KCNQ1OT1: variants seen among roughly 807,000 people sequenced by gnomAD.
The protein encoded by KCNQ1OT1 is KCNQ1 antisense RNA 2 (non-protein coding).
chr11:2,665,221 G>A (rs533298045), exon 1 of KCNQ1OT1: 2 of 398,648 alleles, frequency 5.0e-6, no homozygotes, highest in Non-Finnish European at 8.8e-6. Context: ...TGTCTTCCTA[G>A]GTTGAATGGG....
In KCNQ1OT1 at chr11:2,675,048, A is replaced by C. The variant is rs1590024373; in HGVS notation, n.24947T>G. 6 of 398,604 alleles carry C rather than the reference A, an allele frequency of 1.5e-5. No individual in the cohort carries two copies. The East Asian group carries it at 2.1e-4, about 14-fold the overall frequency. 24.7% of individuals were successfully genotyped at this position (398,604 alleles called of 1,614,324 possible). On this transcript the variant is annotated non_coding_transcript_exon_variant, in exon 1 of 1. Transcript: ENST00000597346. ...GCCAGAGCCCAGGTGGGGGACGGGGATGCCAAGGGCAGAGCCCCTGGAGAG... is the reference window on the plus strand; with the variant it reads ...GCCAGAGCCCAGGTGGGGGACGGGGCTGCCAAGGGCAGAGCCCCTGGAGAG...
rs558913241 is a variant in KCNQ1OT1 at position 2,609,472 on chromosome 11, A to C, written n.90523T>G. 622 of 398,430 alleles carry C rather than the reference A, an allele frequency of 1.6e-3. 2 individuals carry two copies. Among genetic ancestry groups the C allele is most frequent in the Non-Finnish European group, 2.4e-3 (545 of 225,958 alleles). 24.7% of individuals were successfully genotyped at this position (398,430 alleles called of 1,614,324 possible). A position where few individuals can be genotyped will look rare whatever the true frequency, so the allele number is the denominator to read the frequency against. On this transcript the variant is annotated non_coding_transcript_exon_variant, in exon 1 of 1. Coordinates refer to ENST00000597346, the Ensembl canonical transcript of KCNQ1OT1. ...CCTTCTTGGAGAATGTCTCATGTGC[A>C]CTTGAAAATACTGTATATTCAATGT...
In KCNQ1OT1 at chr11:2,658,734, T is replaced by C. The variant is rs899929474; in HGVS notation, n.41261A>G. The C allele has an allele frequency of 2.1e-4, 84 of 398,498 alleles. 1 individual carries two copies. Among genetic ancestry groups the C allele is most frequent in the Non-Finnish European group, 3.5e-5 (8 of 226,070 alleles). The allele number at this position is 398,498 out of a possible 1,614,324, so 24.7% of individuals were successfully genotyped here. On this transcript the variant is annotated non_coding_transcript_exon_variant, in exon 1 of 1. Transcript: ENST00000597346. This position sits in a 1 kb window ranked among gnomAD's most constrained non-coding sequence, Gnocchi z 4.9. The stretch of plus-strand genomic sequence containing the variant: ...GAGTACACATACATCTTTACATATC[T>C]GTATCTATATAAAGCTAACCATGAG...
Position 2,668,066 on chromosome 11 carries a change from A to C in KCNQ1OT1, n.31929T>G, listed in dbSNP as rs1392891912. The C allele has an allele frequency of 2.5e-6, 1 of 398,420 alleles. No homozygotes were observed. Among genetic ancestry groups the C allele is most frequent in the Non-Finnish European group, 4.4e-6 (1 of 226,052 alleles). The allele number at this position is 398,420 out of a possible 1,614,324, so 24.7% of individuals were successfully genotyped here. ...CCACATTTGAACTTTATGCGGTGGG[A>C]ATGATGCAACTCATACACCTTTGTG... On this transcript the variant is annotated non_coding_transcript_exon_variant, in exon 1 of 1. Transcript: ENST00000597346. The surrounding 1 kb of genome is among the most constrained non-coding windows in gnomAD (Gnocchi z 4.3).
chr11:2,670,037 A>G lies in KCNQ1OT1; in HGVS notation n.29958T>C. The G allele has an allele frequency of 2.5e-6, 1 of 398,592 alleles. No individual in the cohort carries two copies. Among genetic ancestry groups the G allele is most frequent in the East Asian group, 3.6e-5 (1 of 28,058 alleles). 24.7% of individuals were successfully genotyped at this position (398,592 alleles called of 1,614,324 possible). A position where few individuals can be genotyped will look rare whatever the true frequency, so the allele number is the denominator to read the frequency against. ...GGGGTCCCGTGGAGGTACAGGCGGA[A>G]ACCTAGCACTCACTATTCTGCTCTG... is the stretch of plus-strand genomic sequence containing the variant. On this transcript the variant is annotated non_coding_transcript_exon_variant, in exon 1 of 1. Coordinates refer to ENST00000597346, the Ensembl canonical transcript of KCNQ1OT1. The surrounding 1 kb of genome is among the most constrained non-coding windows in gnomAD (Gnocchi z 4.9).
In KCNQ1OT1 at chr11:2,668,407, A is replaced by AT; in HGVS notation, n.31587dup. The AT allele has an allele frequency of 2.5e-6, 1 of 398,530 alleles. No individual in the cohort carries two copies. The highest frequency in any genetic ancestry group is 3.6e-5 in the East Asian group (1 of 28,072). 24.7% of individuals were successfully genotyped at this position (398,530 alleles called of 1,614,324 possible). On this transcript the variant is annotated non_coding_transcript_exon_variant, in exon 1 of 1. Coordinates refer to ENST00000597346, the Ensembl canonical transcript of KCNQ1OT1. This position sits in a 1 kb window ranked among gnomAD's most constrained non-coding sequence, Gnocchi z 4.3. ...GCAGTCTACCAAAGGAGTCATTCCA[A>AT]TTTTCATTCCCACAGGCAGCATTCT...
chr11:2,681,392 G>T (rs1322758120), exon 1 of KCNQ1OT1: 1 of 398,468 alleles, frequency 2.5e-6, no homozygotes, highest in Admixed American at 4.4e-5. Context: ...TGGGGCTGGG[G>T]TGACTAAAGG....
exon 1 of KCNQ1OT1, chr11:2,693,137 G>T: frequency 2.5e-6 from 1 of 398,652 alleles, no homozygotes; most frequent in Admixed American, 4.4e-5. Flanking sequence ...TCAATCACCA[G>T]ATAGCCCTCA....
exon 1 of KCNQ1OT1, chr11:2,650,001 A>G (rs1849733113): frequency 2.5e-6 from 1 of 398,228 alleles, no homozygotes; most frequent in Non-Finnish European, 4.4e-6. Context: ...TATTTTTTAA[A>G]TCTGTCTGGT....
chr11:2,699,333 C>A, exon 1 of KCNQ1OT1: 1 of 399,230 alleles, frequency 2.5e-6, no homozygotes, highest in Non-Finnish European at 4.4e-6. Flanking sequence ...CTCACCTCAG[C>A]AACGCCAGTG....
At chr11:2,625,382 C>T (rs976472834) in exon 1 of KCNQ1OT1, 18 of 398,460 alleles carry the variant, frequency 4.5e-5, no homozygotes, top group African/African-American at 1.4e-4. Flanking sequence ...TAACCTCCCA[C>T]GTAGCTGATA....
exon 1 of KCNQ1OT1, chr11:2,672,381 G>A: frequency 2.9e-6 from 1 of 346,786 alleles, no homozygotes; most frequent in Non-Finnish European, 5.0e-6. Flanking sequence ...TGATATGATT[G>A]AGCTCAGGCT....
chr11:2,676,837 A>ACAAC lies in KCNQ1OT1; in HGVS notation n.23157_23158insGTTG, dbSNP rs1850303396. ...GGATCTACCACAGGGGTCATGTTGT[A>ACAAC]ATGACACCTGTCAGCTTTGACTGGG... On this transcript the variant is annotated non_coding_transcript_exon_variant, in exon 1 of 1. Coordinates refer to ENST00000597346, the Ensembl canonical transcript of KCNQ1OT1. The surrounding 1 kb of genome is among the most constrained non-coding windows in gnomAD (Gnocchi z 4.2). The ACAAC allele has an allele frequency of 2.5e-6, 1 of 398,498 alleles. No homozygotes were observed. The highest frequency in any genetic ancestry group is 1.3e-4 in the South Asian group (1 of 7,864). 24.7% of individuals were successfully genotyped at this position (398,498 alleles called of 1,614,324 possible).
At position 2,675,310 on chromosome 11, in the gene KCNQ1OT1, T is replaced by C. The variant is rs536108344; in HGVS notation, n.24685A>G. On this transcript the variant is annotated non_coding_transcript_exon_variant, in exon 1 of 1. Transcript: ENST00000597346. ...AGCAGAGTTTTGGCAATATAAAACA[T>C]GAAAGTGGGATGGGATCTAAGTCAT... The C allele has an allele frequency of 2.7e-4, 108 of 398,516 alleles. No homozygotes were observed. Among genetic ancestry groups the C allele is most frequent in the African/African-American group, 2.1e-3 (101 of 48,720 alleles). The allele number at this position is 398,516 out of a possible 1,614,324, so 24.7% of individuals were successfully genotyped here. A position where few individuals can be genotyped will look rare whatever the true frequency, so the allele number is the denominator to read the frequency against.
chr11:2,674,102 G>C lies in KCNQ1OT1; in HGVS notation n.25893C>G. ...GGCTAGGTCTCCCTGCCGGTGGGGA[G>C]GGAGGTGTGGAAGCTGGTTTGCCGG... On this transcript the variant is annotated non_coding_transcript_exon_variant, in exon 1 of 1. Transcript: ENST00000597346. The surrounding 1 kb of genome is among the most constrained non-coding windows in gnomAD (Gnocchi z 5.9). 2.5e-6 allele frequency: 1 copy of C among 398,676 alleles called. No individual in the cohort carries two copies. Among genetic ancestry groups the C allele is most frequent in the Non-Finnish European group, 4.4e-6 (1 of 226,168 alleles). 24.7% of individuals were successfully genotyped at this position (398,676 alleles called of 1,614,324 possible).
rs1849410118 is a variant in KCNQ1OT1 at position 2,634,124 on chromosome 11, T to C, written n.65871A>G. 11 of 380,524 alleles carry C rather than the reference T, an allele frequency of 2.9e-5. No homozygotes were observed. The South Asian group carries it at 5.8e-4, about 20-fold the overall frequency. The allele number at this position is 380,524 out of a possible 1,614,324, so 23.6% of individuals were successfully genotyped here. ...TGTGTTTTTGCTATTTCGGTGAAGA[T>C]TGTCTTTGGTATTTTTTTTTTTTTA... On this transcript the variant is annotated non_coding_transcript_exon_variant, in exon 1 of 1. Coordinates refer to ENST00000597346, the Ensembl canonical transcript of KCNQ1OT1.
chr11:2,693,128 C>A, exon 1 of KCNQ1OT1: 1 of 398,600 alleles, frequency 2.5e-6, no homozygotes, highest in Non-Finnish European at 4.4e-6. Flanking sequence ...TACTTTCTGT[C>A]AATCACCAGA....
chr11:2,650,237 T>C (rs1849736097), exon 1 of KCNQ1OT1: 4 of 398,482 alleles, frequency 1.0e-5, no homozygotes, highest in East Asian at 3.6e-5. Context: ...TTGTATCTCA[T>C]TGGGTTTCCT....
chr11:2,631,127 G>A, exon 1 of KCNQ1OT1: 1 of 398,536 alleles, frequency 2.5e-6, no homozygotes, highest in Non-Finnish European at 4.4e-6. Context: ...AATCTGGGAA[G>A]AGCCCCAGAT....
Sources: allele counts gnomAD v4.1 joint callset, GRCh38; gene constraint gnomAD v4.1.1; non-coding constraint Gnocchi (gnomAD v3.1); transcripts MANE v1.5; gene names NCBI Gene and HGNC (gene_info 2026-07-23, HGNC 2026-07-21).